ZFPM2: variants seen among roughly 807,000 people sequenced by gnomAD.
ZFPM2 encodes zinc finger protein, FOG family member 2.
In ZFPM2, 20 loss-of-function variants were observed where a neutral mutation model predicts 98.6. That is an observed-to-expected ratio of 0.20 (90% CI 0.14 to 0.29). The LOEUF is 0.29. Ranked by LOEUF, ZFPM2 falls within the 10% of genes least tolerant of loss-of-function variation. The pLI is 1.00. For synonymous variants in ZFPM2, 518 were observed against 502.7 expected, an observed-to-expected ratio of 1.03 and a Z score of -0.41; for missense variants, 1,310 against 1,388.6, an observed-to-expected ratio of 0.94 and a Z score of 0.90.
chr8:105,693,574 A>G (rs1810942407), intron 5 of ZFPM2, among the ~76,000 whole-genome samples: 1 of 152,198 alleles, frequency 6.6e-6, no homozygotes, highest in Admixed American at 6.5e-5. Flanking sequence ...CAGATAAAAT[A>G]TTTCAAAATC....
At chr8:105,646,822 A>G (rs1813144437) in intron 5 of ZFPM2, among the ~76,000 whole-genome samples, 1 of 151,966 alleles carries the variant, frequency 6.6e-6, no homozygotes, top group Admixed American at 6.6e-5. Context: ...CATTGTTGAG[A>G]TTGTAGATGA....
intron 5 of ZFPM2, among the ~76,000 whole-genome samples, chr8:105,784,286 G>A (rs1813346038): frequency 6.6e-6 from 1 of 152,144 alleles, no homozygotes; most frequent in Admixed American, 6.5e-5. Context: ...TGCCCCTTCA[G>A]ATCCACATAG....
intron 1 of ZFPM2, among the ~76,000 whole-genome samples, chr8:105,330,619 T>TATACACAC (rs71305143): frequency 3.4e-5 from 3 of 88,470 alleles, no homozygotes; most frequent in South Asian, 3.5e-4. Flanking sequence ...TACACATATA[T>TATACACAC]ATATATATAT....
intron 1 of ZFPM2, among the ~76,000 whole-genome samples, chr8:105,407,161 A>C (rs1378071470): frequency 7.8e-6 from 1 of 129,026 alleles, no homozygotes; most frequent in Non-Finnish European, 1.7e-5. Flanking sequence ...TTATATTTTT[A>C]TAAGCCATGA....
At chr8:105,550,253 A>G (rs752248675) in intron 3 of ZFPM2, among the ~76,000 whole-genome samples, 4 of 152,104 alleles carry the variant, frequency 2.6e-5, no homozygotes, top group Admixed American at 1.3e-4. Flanking sequence ...TCCTTCAGGC[A>G]CTCACATTCT....
At chr8:105,584,259 T>C (rs553857579) in intron 4 of ZFPM2, among the ~76,000 whole-genome samples, 67 of 152,290 alleles carry the variant, frequency 4.4e-4, no homozygotes, top group Non-Finnish European at 8.1e-4. Flanking sequence ...ACAGGATGAC[T>C]AATTCTTTTT....
intron 3 of ZFPM2, among the ~76,000 whole-genome samples, chr8:105,518,301 T>A (rs1224778331): frequency 6.6e-6 from 1 of 152,172 alleles, no homozygotes; most frequent in African/African-American, 2.4e-5. Context: ...TTCCTTGTGC[T>A]TGGTGGATCT....
chr8:105,732,499 A>G (rs972611814), intron 5 of ZFPM2, among the ~76,000 whole-genome samples: 4 of 151,914 alleles, frequency 2.6e-5, no homozygotes, highest in African/African-American at 9.6e-5. Context: ...CCACATGCGA[A>G]CATTCAAATT....
rs1228865709 is a variant in ZFPM2, at chr8:105,567,782, A to G, written c.420+6301A>G. Among the ~76,000 whole-genome samples the G allele has an allele frequency of 6.6e-5, 10 of 152,104 alleles. 1 individual carries two copies. Among genetic ancestry groups the G allele is most frequent in the African/African-American group, 2.4e-4 (10 of 41,378 alleles). ...ATCGGTATTCAATAACTGCTCTTTA[A>G]AATAAAAATCTAATCGAATTGAATT... On this transcript the variant is annotated intron_variant, in intron 4 of 7. Coordinates refer to ENST00000407775, the MANE Select transcript of ZFPM2 (RefSeq NM_012082.4).
chr8:105,345,323 A>C (rs1485475440), intron 1 of ZFPM2, among the ~76,000 whole-genome samples: 1 of 151,822 alleles, frequency 6.6e-6, no homozygotes, highest in Non-Finnish European at 1.5e-5. Context: ...AGTCTTGTGC[A>C]TCTTTTTGCC....
intron 1 of ZFPM2, 34 bp downstream of exon 1, chr8:105,319,015 A>G: frequency 6.7e-7 from 1 of 1,486,122 alleles, no homozygotes; most frequent in Non-Finnish European, 9.0e-7. Context: ...AGTTGGTGGG[A>G]TTATTGCCCA....
intron 3 of ZFPM2, among the ~76,000 whole-genome samples, chr8:105,462,710 T>G (rs1332727384): frequency 1.3e-5 from 2 of 151,542 alleles, no homozygotes; most frequent in African/African-American, 2.4e-5. Flanking sequence ...GACATCATCA[T>G]CAGCACCGTC....
At chr8:105,442,281 T>C (rs924406157) in intron 2 of ZFPM2, among the ~76,000 whole-genome samples, 7 of 151,984 alleles carry the variant, frequency 4.6e-5, no homozygotes, top group Admixed American at 3.9e-4. Context: ...GAGGTGGAGC[T>C]TGCAGTGAGC....
chr8:105,498,283 A>T (rs1489325536), intron 3 of ZFPM2, among the ~76,000 whole-genome samples: 1 of 152,206 alleles, frequency 6.6e-6, no homozygotes, highest in Non-Finnish European at 1.5e-5. Flanking sequence ...ACATGTATGT[A>T]AGCTCTGTAT....
At chr8:105,363,675 C>T (rs1434792757) in intron 1 of ZFPM2, among the ~76,000 whole-genome samples, 1 of 152,034 alleles carries the variant, frequency 6.6e-6, no homozygotes, top group Non-Finnish European at 1.5e-5. Context: ...TGCTGACACA[C>T]TGTGGAAGGT....
At chr8:105,550,464 G>A (rs1370777178) in intron 3 of ZFPM2, among the ~76,000 whole-genome samples, 1 of 152,210 alleles carries the variant, frequency 6.6e-6, no homozygotes, top group Admixed American at 6.5e-5. Flanking sequence ...ACTTAAATCA[G>A]TCATTTTAGC....
intron 5 of ZFPM2, among the ~76,000 whole-genome samples, chr8:105,718,564 C>T (rs1226215657): frequency 6.6e-6 from 1 of 151,918 alleles, no homozygotes; most frequent in African/African-American, 2.4e-5. Flanking sequence ...AAGTTTAAGA[C>T]ACTAATTGAA....
chr8:105,563,604 G>T (rs1815184627), intron 4 of ZFPM2, among the ~76,000 whole-genome samples: 1 of 152,102 alleles, frequency 6.6e-6, no homozygotes, highest in Non-Finnish European at 1.5e-5. Context: ...TTGTTTTATT[G>T]ATTCCTTTCA....
intron 5 of ZFPM2, among the ~76,000 whole-genome samples, chr8:105,667,871 C>G (rs1221488859): frequency 6.6e-6 from 1 of 152,132 alleles, no homozygotes; most frequent in East Asian, 1.9e-4. Flanking sequence ...TAAATACATA[C>G]ATATTTCTTA....
Sources: gnomAD v4.1 joint callset for allele counts (sites outside exome capture counted in the v4.1 genomes callset) on GRCh38, gnomAD v4.1.1 for gene constraint, MANE v1.5 for transcripts, NCBI Gene and HGNC (gene_info 2026-07-23, HGNC 2026-07-21) for gene names.